Variants in SNTB2 observed in about 807,000 individuals in gnomAD.
The protein encoded by SNTB2 is beta-2-syntrophin.
Under a neutral mutation model 46.2 loss-of-function variants are expected in SNTB2, and 34 were observed. The ratio of observed to expected loss-of-function variants is 0.74; its 90% CI spans 0.56 to 0.98. The LOEUF is 0.98. Ranked by LOEUF, SNTB2 falls within the 50% of genes least tolerant of loss-of-function variation. The probability of loss-of-function intolerance (pLI) is 0.00; values close to 1 mark genes in which losing one functional copy is unlikely to be tolerated. For missense variants in SNTB2, 603 were observed against 731.4 expected, an observed-to-expected ratio of 0.82 and a Z score of 2.02; for synonymous variants, 290 against 312.6, an observed-to-expected ratio of 0.93 and a Z score of 0.76.
chr16:69,193,834 C>A (rs1419814348), intron 1 of SNTB2, among the ~76,000 whole-genome samples: 1 of 152,110 alleles, frequency 6.6e-6, no homozygotes, highest in Non-Finnish European at 1.5e-5. Context: ...TGTCACAAAC[C>A]CAAGGCAGTG....
Position 69,229,358 on chromosome 16 carries a change from T to G in SNTB2, c.581-16244T>G, listed in dbSNP as rs571969950. 8.6e-5 allele frequency among the ~76,000 whole-genome samples: 13 copies of G among 151,874 alleles called. 1 individual carries two copies. The South Asian group carries it at 2.7e-3, about 32-fold the overall frequency. ...CTATTTTTTTAATTTTTTGTAGAGATAGGATTTTGCCATGTTGCCCAGGCT... is the reference window on the plus strand; with the variant it reads ...CTATTTTTTTAATTTTTTGTAGAGAGAGGATTTTGCCATGTTGCCCAGGCT... On this transcript the variant is annotated intron_variant, in intron 1 of 6. Transcript: ENST00000336278.
In SNTB2 at chr16:69,245,583, T is replaced by C. The variant is rs183662103; in HGVS notation, c.581-19T>C. 3,034 of 1,611,236 alleles carry C rather than the reference T, an allele frequency of 1.9e-3. 30 individuals carry two copies. The Middle Eastern group carries it at 0.049, about 26-fold the overall frequency. On this transcript the variant is annotated intron_variant, in intron 1 of 6. Coordinates refer to ENST00000336278, the MANE Select transcript of SNTB2 (RefSeq NM_006750.4). The stretch of plus-strand genomic sequence containing the variant: ...GAAGCAAAATTACTAACCTTCTTCT[T>C]TGATTTTTTTGTTCATAGTCAAGTT...
chr16:69,214,154 A>T (rs1964322334), intron 1 of SNTB2, among the ~76,000 whole-genome samples: 1 of 136,886 alleles, frequency 7.3e-6, no homozygotes. Flanking sequence ...TTTTTTTGAG[A>T]CAGTCTCGCT....
intron 4 of SNTB2, among the ~76,000 whole-genome samples, chr16:69,280,664 C>T (rs1294199743): frequency 2.0e-5 from 3 of 152,180 alleles, no homozygotes; most frequent in African/African-American, 7.2e-5. Context: ...TAGGGGCGGC[C>T]GGCTTTGCCC....
intron 1 of SNTB2, among the ~76,000 whole-genome samples, chr16:69,227,124 C>G (rs1288621386): frequency 6.6e-6 from 1 of 152,148 alleles, no homozygotes; most frequent in African/African-American, 2.4e-5. Context: ...GAGCAATTAG[C>G]AACAACATTT....
chr16:69,275,079 C>CT (rs1221418535), intron 4 of SNTB2, among the ~76,000 whole-genome samples: 3 of 148,716 alleles, frequency 2.0e-5, no homozygotes, highest in African/African-American at 2.5e-5. Context: ...TTCCTTCTCT[C>CT]TTTTTTTTTC....
At chr16:69,292,895 G>C (rs111594132) in intron 5 of SNTB2, among the ~76,000 whole-genome samples, 6 of 152,104 alleles carry the variant, frequency 3.9e-5, no homozygotes, top group African/African-American at 1.2e-4. Flanking sequence ...ACATCCCCGT[G>C]GTGTGAAAAA....
At position 69,247,692 on chromosome 16, in the gene SNTB2, C is replaced by A. The variant is rs79434415; in HGVS notation, c.794+1877C>A. 9.3e-3 allele frequency among the ~76,000 whole-genome samples: 1,415 copies of A among 152,252 alleles called. 12 individuals carry two copies. Among genetic ancestry groups the A allele is most frequent in the Non-Finnish European group, 0.013 (862 of 68,032 alleles). The stretch of plus-strand genomic sequence containing the variant: ...GAGCAAGTCCCTTCACTTCCATACA[C>A]CACCATGTCATCATCTTTAAAAAAA... On this transcript the variant is annotated intron_variant, in intron 2 of 6. Coordinates refer to ENST00000336278, the MANE Select transcript of SNTB2 (RefSeq NM_006750.4).
Position 69,307,150 on chromosome 16 carries a change from C to T in SNTB2, c.*6226C>T, listed in dbSNP as rs1188578276. Reference sequence around the variant, plus strand: ...GAAGGGTCCAAAAGAAAGTTCCTGCCCTCTAGTAGCACATAATCCGTTATT... The same window carrying T: ...GAAGGGTCCAAAAGAAAGTTCCTGCTCTCTAGTAGCACATAATCCGTTATT... On this transcript the variant is annotated 3_prime_UTR_variant, in exon 7 of 7. Transcript: ENST00000336278. 6.6e-6 allele frequency: 1 copy of T among 152,142 alleles called. No homozygotes were observed. The highest frequency in any genetic ancestry group is 2.4e-5 in the African/African-American group (1 of 41,410). 9.4% of individuals were successfully genotyped at this position (152,142 alleles called of 1,614,324 possible). A position where few individuals can be genotyped will look rare whatever the true frequency, so the allele number is the denominator to read the frequency against.
At chr16:69,246,019 G>A (rs933946924) in intron 2 of SNTB2, among the ~76,000 whole-genome samples, 33 of 152,130 alleles carry the variant, frequency 2.2e-4, no homozygotes, top group African/African-American at 7.7e-4. Context: ...AGACACACAA[G>A]AAACTGTTAA....
At chr16:69,203,394 G>A (rs899380908) in intron 1 of SNTB2, among the ~76,000 whole-genome samples, 2 of 152,092 alleles carry the variant, frequency 1.3e-5, no homozygotes, top group African/African-American at 4.8e-5. Flanking sequence ...GAGTGCACTG[G>A]CATGATTATA....
chr16:69,256,127 A>G (rs1022979925), intron 2 of SNTB2, among the ~76,000 whole-genome samples: 33 of 152,100 alleles, frequency 2.2e-4, no homozygotes, highest in African/African-American at 7.7e-4. Flanking sequence ...CAGAGGTTGC[A>G]GTGAGCCAAG....
At chr16:69,248,456 A>C (rs1294543917) in intron 2 of SNTB2, among the ~76,000 whole-genome samples, 1 of 152,106 alleles carries the variant, frequency 6.6e-6, no homozygotes, top group African/African-American at 2.4e-5. Flanking sequence ...TAATATGGTG[A>C]AACCCTGTCT....
Position 69,301,061 on chromosome 16 carries a change from A to T in SNTB2, c.*137A>T. The T allele has an allele frequency of 1.7e-6, 1 of 604,968 alleles. No individual in the cohort carries two copies. The allele number at this position is 604,968 out of a possible 1,614,324, so 37.5% of individuals were successfully genotyped here. A position where few individuals can be genotyped will look rare whatever the true frequency, so the allele number is the denominator to read the frequency against. On this transcript the variant is annotated 3_prime_UTR_variant, in exon 7 of 7. Transcript: ENST00000336278. Reference sequence around the variant, plus strand: ...AGGACCTGCAAATAACTGCTGAACCATAACCGTGTTTAAAGAAGAGCCTAC... The same window carrying T: ...AGGACCTGCAAATAACTGCTGAACCTTAACCGTGTTTAAAGAAGAGCCTAC...
At chr16:69,189,215 T>C (rs1964025486) in intron 1 of SNTB2, among the ~76,000 whole-genome samples, 2 of 152,216 alleles carry the variant, frequency 1.3e-5, no homozygotes, top group South Asian at 4.1e-4. Context: ...TTATATTGCA[T>C]GTCTAGGTGG....
At chr16:69,224,621 T>C (rs904795661) in intron 1 of SNTB2, among the ~76,000 whole-genome samples, 3 of 152,222 alleles carry the variant, frequency 2.0e-5, no homozygotes, top group African/African-American at 7.2e-5. Context: ...CCTGCAACAA[T>C]GATTACTATA....
At chr16:69,244,912 T>A (rs917856519) in intron 1 of SNTB2, among the ~76,000 whole-genome samples, 1 of 152,212 alleles carries the variant, frequency 6.6e-6, no homozygotes, top group Non-Finnish European at 1.5e-5. Flanking sequence ...ACTTGGTAGG[T>A]AGCTAATAAA....
rs907932433 is a variant in SNTB2 at position 69,304,194 on chromosome 16, A to G, written c.*3270A>G. 6.6e-6 allele frequency: 1 copy of G among 152,292 alleles called. No homozygotes were observed. Among genetic ancestry groups the G allele is most frequent in the African/African-American group, 2.4e-5 (1 of 41,454 alleles). 9.4% of individuals were successfully genotyped at this position (152,292 alleles called of 1,614,324 possible). On this transcript the variant is annotated 3_prime_UTR_variant, in exon 7 of 7. Coordinates refer to ENST00000336278, the MANE Select transcript of SNTB2 (RefSeq NM_006750.4). Reference sequence around the variant, plus strand: ...GGTAAGTCCTTTCCTGAAGTCATCAAATGAAACATTATCTGGAAATTAGTT... The same window carrying G: ...GGTAAGTCCTTTCCTGAAGTCATCAGATGAAACATTATCTGGAAATTAGTT...
chr16:69,231,843 A>G (rs976837148), intron 1 of SNTB2, among the ~76,000 whole-genome samples: 11 of 152,228 alleles, frequency 7.2e-5, no homozygotes, highest in Admixed American at 3.9e-4. Context: ...AACATTTTTT[A>G]TAAAAAATTG....
Sources: allele counts gnomAD v4.1 joint callset (sites outside exome capture counted in the v4.1 genomes callset), GRCh38; gene constraint gnomAD v4.1.1; transcripts MANE v1.5; gene names NCBI Gene and HGNC (gene_info 2026-07-23, HGNC 2026-07-21).